PLD1: variants seen among roughly 807,000 people sequenced by gnomAD.
The protein encoded by PLD1 is phospholipase D1, also known as choline phosphatase 1.
PLD1 carries 112 observed loss-of-function variants against 137.1 expected under a neutral mutation model. The observed-to-expected ratio is 0.82, with a 90% CI of 0.70 to 0.96. PLD1 has a LOEUF of 0.96. Among genes scored for constraint, PLD1 ranks in the 40% least tolerant of loss-of-function variants. The probability of loss-of-function intolerance (pLI) is 0.00; values close to 1 mark genes in which losing one functional copy is unlikely to be tolerated. For synonymous variants in PLD1, 431 were observed against 454.7 expected (o/e 0.95, Z 0.66); for missense variants, 1,321 against 1,342.0 (o/e 0.98, Z 0.24).
chr3:171,665,086 G>T (rs1711972313), intron 19 of PLD1, among the ~76,000 whole-genome samples: 1 of 152,068 alleles, frequency 6.6e-6, no homozygotes, highest in Non-Finnish European at 1.5e-5. Context: ...CTCAAAATTT[G>T]CTCTGACTCA....
chr3:171,721,463 T>C (rs1718124120), intron 8 of PLD1: 1 of 152,252 alleles, frequency 6.6e-6, no homozygotes, highest in South Asian at 2.1e-4. Flanking sequence ...TGGACTCCGA[T>C]CAGTTCTTGG....
At chr3:171,757,266 T>A (rs1345059164) in intron 1 of PLD1, among the ~76,000 whole-genome samples, 2 of 152,186 alleles carry the variant, frequency 1.3e-5, no homozygotes, top group Non-Finnish European at 2.9e-5. Context: ...ATTATCGTCT[T>A]TAAAAAACTA....
chr3:171,727,006 A>G (rs1444737212), intron 6 of PLD1, among the ~76,000 whole-genome samples: 4 of 152,236 alleles, frequency 2.6e-5, no homozygotes, highest in Admixed American at 2.6e-4. Context: ...AGACGCATAC[A>G]TAAACGAATA....
At chr3:171,675,311 G>A (rs1411578278) in intron 18 of PLD1, among the ~76,000 whole-genome samples, 1 of 152,084 alleles carries the variant, frequency 6.6e-6, no homozygotes, top group East Asian at 1.9e-4. Context: ...TAACTTCATA[G>A]TAAAATGGTA....
In PLD1 at chr3:171,722,883, T is replaced by C. The variant is rs558112799; in HGVS notation, c.758+1813A>G. On this transcript the variant is annotated intron_variant, in intron 8 of 26. Transcript: ENST00000351298. The stretch of plus-strand genomic sequence containing the variant: ...TGTATTTTTAATTTCTGTGGGTACA[T>C]AGTAGGTTTATATATTTATGGGGTA... Among the ~76,000 whole-genome samples the C allele has an allele frequency of 2.2e-4, 34 of 152,222 alleles. No homozygotes were observed. The South Asian group carries it at 5.2e-3, about 23-fold the overall frequency.
chr3:171,784,354 A>G (rs942363196), intron 1 of PLD1, among the ~76,000 whole-genome samples: 2 of 149,712 alleles, frequency 1.3e-5, no homozygotes, highest in African/African-American at 5.0e-5. Context: ...GCACTAAGTC[A>G]CCTCATTCTC....
intron 23 of PLD1, among the ~76,000 whole-genome samples, chr3:171,627,340 G>A (rs1415322570): frequency 1.3e-5 from 2 of 151,954 alleles, no homozygotes; most frequent in African/African-American, 4.8e-5. Context: ...CCCAATACAG[G>A]AGCACCCAGA....
intron 1 of PLD1, among the ~76,000 whole-genome samples, chr3:171,808,815 A>ATTTTTTTT (rs60146546): frequency 2.6e-4 from 22 of 86,232 alleles, no homozygotes; most frequent in African/African-American, 7.3e-4. Context: ...TTAGCATTCA[A>ATTTTTTTT]TTTTTTTTTT....
At chr3:171,712,665 G>A (rs1717358156) in intron 9 of PLD1, among the ~76,000 whole-genome samples, 1 of 152,166 alleles carries the variant, frequency 6.6e-6, no homozygotes, top group Non-Finnish European at 1.5e-5. Flanking sequence ...CTTACACCAG[G>A]AAGGAAGGTA....
At chr3:171,719,407 G>T (rs1443871607) in intron 8 of PLD1, among the ~76,000 whole-genome samples, 2 of 152,192 alleles carry the variant, frequency 1.3e-5, no homozygotes, top group East Asian at 3.8e-4. Context: ...ACTACTATCT[G>T]TTCAATGCCT....
chr3:171,679,441 C>G (rs1344912775), intron 16 of PLD1, among the ~76,000 whole-genome samples: 1 of 151,940 alleles, frequency 6.6e-6, no homozygotes, highest in African/African-American at 2.4e-5. Flanking sequence ...TCTATAGGCT[C>G]TTTATTGTTT....
rs781509927 is a variant in PLD1, at chr3:171,612,235, C to T, written c.2882+44G>A. 12 of 1,591,156 alleles carry T rather than the reference C, an allele frequency of 7.5e-6. No individual in the cohort carries two copies. Among genetic ancestry groups the T allele is most frequent in the Non-Finnish European group, 1.0e-5 (12 of 1,161,926 alleles). On this transcript the variant is annotated intron_variant, in intron 25 of 26. Transcript: ENST00000351298. This position sits in a 1 kb window ranked among gnomAD's most constrained non-coding sequence, Gnocchi z 4.1. ...TAGCGGGGCTGGGTCCCAGCGACTG[C>T]TGCAGTGGAAATGCATCAGAGAGAC...
intron 23 of PLD1, among the ~76,000 whole-genome samples, chr3:171,631,294 G>A (rs1463080369): frequency 6.6e-6 from 1 of 152,066 alleles, no homozygotes; most frequent in South Asian, 2.1e-4. Context: ...TGTATTAAAA[G>A]GTTGAGGATA....
intron 11 of PLD1, among the ~76,000 whole-genome samples, chr3:171,700,190 A>T (rs1716121554): frequency 1.3e-5 from 2 of 151,548 alleles, no homozygotes; most frequent in African/African-American, 4.9e-5. Flanking sequence ...AATATTCTAG[A>T]TACTTGCTTT....
intron 16 of PLD1, among the ~76,000 whole-genome samples, chr3:171,679,852 T>G (rs1329777228): frequency 6.6e-6 from 1 of 152,172 alleles, no homozygotes. Context: ...AAACAGTAGC[T>G]CAGAATTACA....
At chr3:171,674,816 T>C (rs958666766) in intron 18 of PLD1, among the ~76,000 whole-genome samples, 1 of 151,492 alleles carries the variant, frequency 6.6e-6, no homozygotes, top group Admixed American at 6.6e-5. Context: ...CCATCTCTAC[T>C]AAAAATACAA....
intron 21 of PLD1, among the ~76,000 whole-genome samples, chr3:171,654,653 C>T (rs1446844081): frequency 6.6e-6 from 1 of 152,132 alleles, no homozygotes; most frequent in Non-Finnish European, 1.5e-5. Context: ...TGGCATAAAA[C>T]AGTAAATTTT....
chr3:171,617,100 C>G (rs1049281219), intron 24 of PLD1, among the ~76,000 whole-genome samples: 1 of 152,152 alleles, frequency 6.6e-6, no homozygotes, highest in Non-Finnish European at 1.5e-5. Flanking sequence ...AACCCAAATG[C>G]CTGGCCCCAA....
At chr3:171,622,352 A>T (rs2108299999) in intron 23 of PLD1, among the ~76,000 whole-genome samples, 1 of 152,292 alleles carries the variant, frequency 6.6e-6, no homozygotes, top group Non-Finnish European at 1.5e-5. Context: ...CCGAGGGGAT[A>T]TTGTTTCTGA....
Sources: gnomAD v4.1 joint callset for allele counts (sites outside exome capture counted in the v4.1 genomes callset) on GRCh38, gnomAD v4.1.1 for gene constraint, Gnocchi (gnomAD v3.1) non-coding constraint, MANE v1.5 for transcripts, NCBI Gene and HGNC (gene_info 2026-07-23, HGNC 2026-07-21) for gene names.